The following C2CD5 variants were observed in gnomAD, a reference collection of about 807,000 sequenced individuals.
C2CD5 encodes the protein C2 domain-containing protein 5.
Under a neutral mutation model 130.3 loss-of-function variants are expected in C2CD5, and 109 were observed. The observed-to-expected ratio is 0.84, with a 90% CI of 0.72 to 0.98. The LOEUF is 0.98. C2CD5 is among the 50% of genes least tolerant of loss of function. The pLI, the probability that C2CD5 is intolerant of heterozygous loss-of-function variation, is 0.00. For missense variants in C2CD5, 996 were observed against 1,261.8 expected, an observed-to-expected ratio of 0.79 and a Z score of 3.19; for synonymous variants, 454 against 429.2, an observed-to-expected ratio of 1.06 and a Z score of -0.71.
In C2CD5 at chr12:22,494,489, G is replaced by A. The variant is rs146435160; in HGVS notation, c.1148-1152C>T. ...GCAAAGTAAAGAAAGGTTAAGAGGC[G>A]TGTTATAGCTCACATTCCTATGATG... On this transcript the variant is annotated intron_variant, in intron 10 of 26. Coordinates refer to ENST00000446597, the MANE Select transcript of C2CD5 (RefSeq NM_001286176.2). 1.5e-3 allele frequency among the ~76,000 whole-genome samples: 223 copies of A among 152,226 alleles called. 1 individual carries two copies. Among genetic ancestry groups the A allele is most frequent in the African/African-American group, 5.1e-3 (213 of 41,568 alleles).
At chr12:22,514,318 A>AGCATAT (rs1402777197) in intron 8 of C2CD5, among the ~76,000 whole-genome samples, 1 of 152,222 alleles carries the variant, frequency 6.6e-6, no homozygotes, top group East Asian at 1.9e-4. Context: ...AACAAAGGTT[A>AGCATAT]GCATATGTAT....
chr12:22,530,109 T>C (rs200393194), intron 3 of C2CD5, among the ~76,000 whole-genome samples: 1,701 of 106,382 alleles, frequency 0.016, 37 homozygotes, highest in African/African-American at 0.072. Context: ...TATATATATA[T>C]ATACACACAC....
chr12:22,466,360 C>A (rs1475515185), intron 22 of C2CD5, among the ~76,000 whole-genome samples: 1 of 150,948 alleles, frequency 6.6e-6, no homozygotes, highest in South Asian at 2.1e-4. Context: ...AAAAACTATA[C>A]TTTTATTTAT....
chr12:22,533,177 A>T (rs984140786), intron 3 of C2CD5, among the ~76,000 whole-genome samples: 12 of 152,296 alleles, frequency 7.9e-5, no homozygotes, highest in African/African-American at 2.9e-4. Context: ...GGTGGTGGGT[A>T]GAATGGGAGA....
intron 22 of C2CD5, among the ~76,000 whole-genome samples, chr12:22,462,346 C>A (rs1378014689): frequency 6.6e-6 from 1 of 152,192 alleles, no homozygotes; most frequent in Admixed American, 6.5e-5. Context: ...AGCCACACAA[C>A]AGTCTGCTTC....
chr12:22,523,374 T>C (rs534002470), intron 7 of C2CD5, 52 bp downstream of exon 7: 38 of 1,407,888 alleles, frequency 2.7e-5, no homozygotes, highest in South Asian at 1.7e-4. Context: ...TGAAAAAGCA[T>C]AGATAAAAGA....
rs375783492 is a variant in C2CD5 at position 22,485,155 on chromosome 12, CA to C, written c.1359-268del. Reference sequence around the variant, plus strand: ...ATTTGTTTGATGACTTACCACCTGACAAACATCACTATCACCCCAAAGTTTT... The same window carrying C: ...ATTTGTTTGATGACTTACCACCTGACAACATCACTATCACCCCAAAGTTTT... On this transcript the variant is annotated intron_variant, in intron 12 of 26. Transcript: ENST00000446597. Among the ~76,000 whole-genome samples, 422 of 152,182 alleles carry C rather than the reference CA, an allele frequency of 2.8e-3. 3 individuals are homozygous for C. The highest frequency in any genetic ancestry group is 0.01 in the African/African-American group (417 of 41,552).
In C2CD5 at chr12:22,533,468, G is replaced by C. The variant is rs1466610387; in HGVS notation, c.177+1790C>G. On this transcript the variant is annotated intron_variant, in intron 3 of 26. Coordinates refer to ENST00000446597, the MANE Select transcript of C2CD5 (RefSeq NM_001286176.2). ...CCTAGTACAGTCCCTATAATCTCCTGGAGGATTGGGGCATGCCGACAGACC... is the reference window on the plus strand; with the variant it reads ...CCTAGTACAGTCCCTATAATCTCCTCGAGGATTGGGGCATGCCGACAGACC... Among the ~76,000 whole-genome samples, 5 of 152,240 alleles carry C rather than the reference G, an allele frequency of 3.3e-5. No homozygotes were observed. In the East Asian group the frequency reaches 9.7e-4, roughly 29 times the overall value.
chr12:22,485,987 T>C (rs1433427963), intron 12 of C2CD5, among the ~76,000 whole-genome samples: 2 of 152,020 alleles, frequency 1.3e-5, no homozygotes, highest in East Asian at 1.9e-4. Context: ...ACGAGTCAAA[T>C]GCAGATAGCT....
rs532088499 is a variant in C2CD5 at position 22,449,820 on chromosome 12, TGAC to T, written c.3093_3095del (p.Ser1033del). 1 of 1,611,480 alleles carries T rather than the reference TGAC, an allele frequency of 6.2e-7. No homozygotes were observed. Among genetic ancestry groups the T allele is most frequent in the South Asian group, 1.1e-5 (1 of 90,828 alleles). On this transcript the variant is annotated inframe_deletion, in exon 27 of 27. Coordinates refer to ENST00000446597, the MANE Select transcript of C2CD5 (RefSeq NM_001286176.2). ...GGCAGTTGGTAGTAGGTTGCTGAGA[TGAC>T]ACCACTTCTAAGTCAGATTCACGAA...
At chr12:22,523,307 A>G in intron 7 of C2CD5, 119 bp downstream of exon 7, 1 of 702,758 alleles carries the variant, frequency 1.4e-6, no homozygotes, top group South Asian at 2.1e-5. Flanking sequence ...GTCATCACCA[A>G]TAAAAATCAT....
chr12:22,507,127 C>A (rs1338698039), intron 9 of C2CD5, among the ~76,000 whole-genome samples: 1 of 152,204 alleles, frequency 6.6e-6, no homozygotes, highest in South Asian at 2.1e-4. Flanking sequence ...ATCTCCAACT[C>A]TGATGGAACT....
intron 22 of C2CD5, among the ~76,000 whole-genome samples, chr12:22,468,008 C>T (rs915720706): frequency 4.0e-5 from 6 of 151,174 alleles, no homozygotes; most frequent in African/African-American, 1.5e-4. Context: ...GACCCCAAGT[C>T]CACAAATACC....
intron 4 of C2CD5, 101 bp from the exon 5 acceptor site, chr12:22,525,806 G>C: frequency 1.4e-6 from 1 of 702,638 alleles, no homozygotes; most frequent in East Asian, 2.5e-5. Flanking sequence ...AAAATACAAT[G>C]ATTTAACTCA....
intron 8 of C2CD5, chr12:22,515,066 C>T: frequency 1.0e-6 from 1 of 984,968 alleles, no homozygotes; most frequent in Non-Finnish European, 1.2e-6. Context: ...GAGGAGGAGA[C>T]AGGACTTTTT....
intron 3 of C2CD5, among the ~76,000 whole-genome samples, chr12:22,531,013 ATTTCTAGGTTATAG>A (rs1269035912): frequency 6.6e-6 from 1 of 152,040 alleles, no homozygotes; most frequent in East Asian, 1.9e-4. Flanking sequence ...GTTTTTAACC[ATTTCTAGGTTATAG>A]TTGGGGGGGA....
At chr12:22,468,103 TA>T (rs1942399931) in intron 22 of C2CD5, among the ~76,000 whole-genome samples, 1 of 149,646 alleles carries the variant, frequency 6.7e-6, no homozygotes. Context: ...TATTGCAGGA[TA>T]AGGATAAATG....
At chr12:22,484,091 G>C (rs1216662857) in intron 13 of C2CD5, among the ~76,000 whole-genome samples, 1 of 152,090 alleles carries the variant, frequency 6.6e-6, no homozygotes, top group Non-Finnish European at 1.5e-5. Flanking sequence ...GGAGGATGAA[G>C]ATTATACATA....
At chr12:22,526,130 CTAGT>C (rs781227933) in intron 4 of C2CD5, among the ~76,000 whole-genome samples, 2 of 152,056 alleles carry the variant, frequency 1.3e-5, no homozygotes, top group African/African-American at 2.4e-5. Context: ...GCTTTGTTTC[CTAGT>C]TATTTTCTTT....
Sources: allele counts gnomAD v4.1 joint callset (sites outside exome capture counted in the v4.1 genomes callset), GRCh38; gene constraint gnomAD v4.1.1; transcripts MANE v1.5; gene names NCBI Gene and HGNC (gene_info 2026-07-23, HGNC 2026-07-21).